Variants in PCDHGA7 observed in about 807,000 individuals in gnomAD.
The protein encoded by PCDHGA7 is protocadherin gamma-A7.
A neutral mutation model predicts 58.3 loss-of-function variants in PCDHGA7; 44 were observed. That is an observed-to-expected ratio of 0.75 (90% CI 0.59 to 0.97). PCDHGA7 has a LOEUF of 0.97. Ranked by LOEUF, PCDHGA7 falls within the 50% of genes least tolerant of loss-of-function variation. The pLI is 0.00. For synonymous variants in PCDHGA7, 516 were observed against 504.2 expected (o/e 1.02, Z -0.31); for missense variants, 1,266 against 1,188.7 (o/e 1.06, Z -0.96).
chr5:141,477,245 A>G lies in PCDHGA7; in HGVS notation c.2425-17562A>G. On this transcript the variant is annotated intron_variant, in intron 1 of 3. Transcript: ENST00000518325. The surrounding 1 kb of genome is among the most constrained non-coding windows in gnomAD (Gnocchi z 4.9). ...GACTGTCATCGCTTTGCTCAGTGTG[A>G]CTGACCTGGATGCTGGCGAGAACGG... 3.7e-6 allele frequency: 6 copies of G among 1,614,128 alleles called. No homozygotes were observed. The highest frequency in any genetic ancestry group is 5.1e-6 in the Non-Finnish European group (6 of 1,180,026).
At chr5:141,408,882 ACATAGAAATTTCTGTCAAG>A (rs745313321) in intron 1 of PCDHGA7, 50 of 1,613,286 alleles carry the variant, frequency 3.1e-5, no homozygotes, top group Non-Finnish European at 4.1e-5. Context: ...GCCACCGCTC[ACATAGAAATTTCTGTCAAG>A]GATACCAATG....
chr5:141,422,204 G>A lies in PCDHGA7; in HGVS notation c.2424+36881G>A, dbSNP rs185669562. On this transcript the variant is annotated intron_variant, in intron 1 of 3. Transcript: ENST00000518325. Reference sequence around the variant, plus strand: ...ATGGAAATTCAAGGCCAAGATGGTGGAGGTCTCTTTACCACCACGACGATG... The same window carrying A: ...ATGGAAATTCAAGGCCAAGATGGTGAAGGTCTCTTTACCACCACGACGATG... The A allele has an allele frequency of 1.7e-4, 269 of 1,562,138 alleles. No individual in the cohort carries two copies. The African/African-American group carries it at 3.6e-3, about 21-fold the overall frequency.
intron 1 of PCDHGA7, chr5:141,421,331 C>T: frequency 1.2e-6 from 2 of 1,613,856 alleles, no homozygotes; most frequent in East Asian, 2.2e-5. Flanking sequence ...ATCCGATATT[C>T]GGTGCCAGAA....
chr5:141,398,111 T>C, intron 1 of PCDHGA7: 1 of 1,594,080 alleles, frequency 6.3e-7, no homozygotes, highest in East Asian at 2.2e-5. Context: ...GTGAGCAAGC[T>C]GAGGAGAGCA....
At chr5:141,468,797 C>A (rs191599825) in intron 1 of PCDHGA7, among the ~76,000 whole-genome samples, 1 of 151,770 alleles carries the variant, frequency 6.6e-6, no homozygotes, top group East Asian at 1.9e-4. Context: ...ACCCGGGAGG[C>A]GGAACTTGCA....
At position 141,487,763 on chromosome 5, in the gene PCDHGA7, G is replaced by A; in HGVS notation, c.2425-7044G>A. ...AAGAGGTAACTATGTGGTAGACGCT[G>A]TGCTTTGTAACTGTTTCGTGAATTA... On this transcript the variant is annotated intron_variant, in intron 1 of 3. Coordinates refer to ENST00000518325, the MANE Select transcript of PCDHGA7 (RefSeq NM_018920.4). This position sits in a 1 kb window ranked among gnomAD's most constrained non-coding sequence, Gnocchi z 5.0. 6.5e-7 allele frequency: 1 copy of A among 1,544,968 alleles called. No homozygotes were observed. The highest frequency in any genetic ancestry group is 1.2e-5 in the South Asian group (1 of 83,382).
intron 2 of PCDHGA7, among the ~76,000 whole-genome samples, chr5:141,497,264 A>G (rs2154592078): frequency 6.6e-6 from 1 of 152,258 alleles, no homozygotes; most frequent in East Asian, 1.9e-4. Flanking sequence ...GAGAAGTTCT[A>G]GGCCATTTAT....
intron 1 of PCDHGA7, among the ~76,000 whole-genome samples, chr5:141,452,745 G>A (rs1246578948): frequency 6.6e-6 from 1 of 152,054 alleles, no homozygotes; most frequent in African/African-American, 2.4e-5. Flanking sequence ...AGAGAGAGAA[G>A]GAAGAAGGAA....
chr5:141,403,200 C>T (rs765799006), intron 1 of PCDHGA7: 1 of 1,613,982 alleles, frequency 6.2e-7, no homozygotes, highest in South Asian at 1.1e-5. Flanking sequence ...CGCAGCGGCA[C>T]CTTGGTCACC....
rs745516293 is a variant in PCDHGA7, at chr5:141,382,909, C to T, written c.10C>T (p.Gln4Ter). 11 of 1,546,196 alleles carry T rather than the reference C, an allele frequency of 7.1e-6. No homozygotes were observed. The South Asian group carries it at 1.4e-4, about 19-fold the overall frequency. The change falls in exon 1 of 4, where the codon CAG (glutamine) becomes TAG (stop). Residue 4 changes from glutamine (Q) to a stop codon, truncating the protein, a stop_gained. Transcript: ENST00000518325. LOFTEE classifies it high-confidence loss of function. Reference sequence around the variant, plus strand: ...GAGAAGCAGGACGACTATGGCGGCTCAGCCGAGGGGCGGGGACTACAGAGG... The same window carrying T: ...GAGAAGCAGGACGACTATGGCGGCTTAGCCGAGGGGCGGGGACTACAGAGG... MAA[Q>*]PRGGDYRGFF...
rs759095332 is a variant in PCDHGA7, at chr5:141,432,306, C to T, written c.2424+46983C>T. 1 of 1,614,250 alleles carries T rather than the reference C, an allele frequency of 6.2e-7. No homozygotes were observed. On this transcript the variant is annotated intron_variant, in intron 1 of 3. Coordinates refer to ENST00000518325, the MANE Select transcript of PCDHGA7 (RefSeq NM_018920.4). This position sits in a 1 kb window ranked among gnomAD's most constrained non-coding sequence, Gnocchi z 6.0. ...AACTCCGACACTGGGGTACTGTATG[C>T]GCTGAGCTCCTTCGACTACGAGCAG...
intron 1 of PCDHGA7, chr5:141,389,265 G>T: frequency 6.2e-7 from 1 of 1,614,004 alleles, no homozygotes; most frequent in Non-Finnish European, 8.5e-7. Context: ...CCACGTGGCC[G>T]AGAACAACCC....
rs767291767 is a variant in PCDHGA7, at chr5:141,487,668, T to C, written c.2425-7139T>C. ...CTTGAGGGTTATTCTGATCCAGGCA[T>C]ATGGCTAGGCCATGTCCTAGAGAGT... is the stretch of plus-strand genomic sequence containing the variant. On this transcript the variant is annotated intron_variant, in intron 1 of 3. Transcript: ENST00000518325. The surrounding 1 kb of genome is among the most constrained non-coding windows in gnomAD (Gnocchi z 5.0). 1.9e-6 allele frequency: 3 copies of C among 1,612,658 alleles called. No homozygotes were observed. Among genetic ancestry groups the C allele is most frequent in the South Asian group, 1.1e-5 (1 of 90,650 alleles).
rs749274128 is a variant in PCDHGA7 at position 141,383,154 on chromosome 5, C to T, written c.255C>T (p.Val85=). The change falls in exon 1 of 4, where the codon GTC becomes GTT. Residue 85 remains valine (V), a synonymous_variant. Transcript: ENST00000518325. ...TGAACCAGCGCAGCGGCAGCTTGGTCACTGCGGGCAGGATAGACCGGGAAG... is the reference window on the plus strand; with the variant it reads ...TGAACCAGCGCAGCGGCAGCTTGGTTACTGCGGGCAGGATAGACCGGGAAG... ...FALNQRSGSL[V]TAGRIDREEI... is the part of the protein sequence containing the mutation. The T allele has an allele frequency of 1.2e-6, 2 of 1,613,994 alleles. No individual in the cohort carries two copies. The highest frequency in any genetic ancestry group is 1.7e-6 in the Non-Finnish European group (2 of 1,179,980).
Position 141,491,531 on chromosome 5 carries a change from T to G in PCDHGA7, c.2425-3276T>G, listed in dbSNP as rs532897059. On this transcript the variant is annotated intron_variant, in intron 1 of 3. Coordinates refer to ENST00000518325, the MANE Select transcript of PCDHGA7 (RefSeq NM_018920.4). This position sits in a 1 kb window ranked among gnomAD's most constrained non-coding sequence, Gnocchi z 6.9. ...ACGCTCAAGTACATGGAGGTGACGC[T>G]GCGGCCCACAGACTCGCAGAGCCAC... The G allele has an allele frequency of 6.2e-7, 1 of 1,614,044 alleles. No homozygotes were observed. The highest frequency in any genetic ancestry group is 1.7e-5 in the Admixed American group (1 of 60,028).
chr5:141,409,129 T>G (rs781711972), intron 1 of PCDHGA7: 5 of 1,613,856 alleles, frequency 3.1e-6, no homozygotes, highest in Non-Finnish European at 4.2e-6. Flanking sequence ...CATTTGATTT[T>G]GAAGATGTAG....
Position 141,426,411 on chromosome 5 carries a change from C to A in PCDHGA7, c.2424+41088C>A, listed in dbSNP as rs1561821998. 10 of 286,096 alleles carry A rather than the reference C, an allele frequency of 3.5e-5. No homozygotes were observed. In the South Asian group the frequency reaches 3.7e-4, roughly 11 times the overall value. The allele number at this position is 286,096 out of a possible 1,614,324, so 17.7% of individuals were successfully genotyped here. On this transcript the variant is annotated intron_variant, in intron 1 of 3. Coordinates refer to ENST00000518325, the MANE Select transcript of PCDHGA7 (RefSeq NM_018920.4). ...GCTACTCTATTCCAGAAGAAACGGT[C>A]CAGGGCTCCGTGGTGGGGAACCTTG... is the stretch of plus-strand genomic sequence containing the variant.
Position 141,491,687 on chromosome 5 carries a change from G to A in PCDHGA7, c.2425-3120G>A. On this transcript the variant is annotated intron_variant, in intron 1 of 3. Transcript: ENST00000518325. This position sits in a 1 kb window ranked among gnomAD's most constrained non-coding sequence, Gnocchi z 6.9. Reference sequence around the variant, plus strand: ...ATCCGGTCCCGCTCTAATACGCTGCGGGAGCGGAGCCAGGTGAGGGGCTCG... The same window carrying A: ...ATCCGGTCCCGCTCTAATACGCTGCAGGAGCGGAGCCAGGTGAGGGGCTCG... The A allele has an allele frequency of 6.2e-7, 1 of 1,613,072 alleles. No homozygotes were observed. The highest frequency in any genetic ancestry group is 8.5e-7 in the Non-Finnish European group (1 of 1,179,608).
At chr5:141,418,687 G>T (rs758554600) in intron 1 of PCDHGA7, 1 of 1,613,928 alleles carries the variant, frequency 6.2e-7, no homozygotes, top group African/African-American at 1.3e-5. Context: ...TCAACTCAGA[G>T]ATCACTTATT....
Sources: allele counts gnomAD v4.1 joint callset (sites outside exome capture counted in the v4.1 genomes callset), GRCh38; gene constraint gnomAD v4.1.1; non-coding constraint Gnocchi (gnomAD v3.1); transcripts MANE v1.5; gene names NCBI Gene and HGNC (gene_info 2026-07-23, HGNC 2026-07-21).